TRIP12: variants seen among roughly 807,000 people sequenced by gnomAD.
TRIP12 encodes the protein E3 ubiquitin-protein ligase TRIP12.
In TRIP12, 25 loss-of-function variants were observed where a neutral mutation model predicts 244.2. That is an observed-to-expected ratio of 0.10 (90% CI 0.07 to 0.14). TRIP12 has a LOEUF of 0.14. TRIP12 is among the 10% of genes least tolerant of loss of function. The pLI is 1.00. For missense variants in TRIP12, 1,677 were observed against 2,486.4 expected, an observed-to-expected ratio of 0.67 and a Z score of 6.92; for synonymous variants, 905 against 873.1, an observed-to-expected ratio of 1.04 and a Z score of -0.64.
intron 18 of TRIP12, among the ~76,000 whole-genome samples, chr2:229,805,237 C>CAACAACAACAAT (rs1421196885): frequency 6.6e-6 from 1 of 151,992 alleles, no homozygotes; most frequent in African/African-American, 2.4e-5. Flanking sequence ...ACAACAACAA[C>CAACAACAACAAT]AACAACAACA....
intron 2 of TRIP12, among the ~76,000 whole-genome samples, chr2:229,879,255 C>A (rs921398194): frequency 2.0e-5 from 3 of 151,954 alleles, no homozygotes; most frequent in Non-Finnish European, 4.4e-5. Flanking sequence ...CTCTCAAAAA[C>A]AAAAAAATTT....
intron 1 of TRIP12, among the ~76,000 whole-genome samples, chr2:229,902,454 G>T (rs890741915): frequency 6.6e-6 from 1 of 152,024 alleles, no homozygotes; most frequent in Non-Finnish European, 1.5e-5. Flanking sequence ...CATTATTGGC[G>T]GTACCTTTAA....
rs2037100453 is a variant in TRIP12, at chr2:229,778,699, C to T, written c.5210-112G>A. 1 of 1,463,506 alleles carries T rather than the reference C, an allele frequency of 6.8e-7. No individual in the cohort carries two copies. Among genetic ancestry groups the T allele is most frequent in the Non-Finnish European group, 9.3e-7 (1 of 1,080,996 alleles). The allele number at this position is 1,463,506 out of a possible 1,614,324, so 90.7% of individuals were successfully genotyped here. ...GCATTCTCAAAATTGGAGTGCAGATCACTGAATGAAGTCCTCTAGAACTGG... is the reference window on the plus strand; with the variant it reads ...GCATTCTCAAAATTGGAGTGCAGATTACTGAATGAAGTCCTCTAGAACTGG... On this transcript the variant is annotated intron_variant, in intron 35 of 41. Transcript: ENST00000675903. The surrounding 1 kb of genome is among the most constrained non-coding windows in gnomAD (Gnocchi z 4.1).
At chr2:229,829,372 T>C in intron 7 of TRIP12, 84 bp from the exon 8 acceptor site, 2 of 1,092,902 alleles carry the variant, frequency 1.8e-6, no homozygotes, top group South Asian at 1.5e-5. Context: ...AACTGATTCA[T>C]CTCGCTTAAC....
intron 16 of TRIP12, 57 bp from the exon 17 acceptor site, chr2:229,807,921 G>A: frequency 2.0e-6 from 3 of 1,502,396 alleles, no homozygotes; most frequent in Non-Finnish European, 9.0e-7. Context: ...GTAAACGTTA[G>A]GTCTCTAAAG....
intron 34 of TRIP12, among the ~76,000 whole-genome samples, chr2:229,781,534 C>A (rs1424247977): frequency 6.6e-6 from 1 of 152,224 alleles, no homozygotes; most frequent in African/African-American, 2.4e-5. Context: ...GCAGGCCAGG[C>A]TCCACATTCC....
intron 34 of TRIP12, among the ~76,000 whole-genome samples, chr2:229,781,100 T>C (rs904136123): frequency 6.6e-6 from 1 of 152,216 alleles, no homozygotes; most frequent in Non-Finnish European, 1.5e-5. Flanking sequence ...GCACTTCCTC[T>C]GTGAGCCTCT....
intron 8 of TRIP12, among the ~76,000 whole-genome samples, chr2:229,823,551 C>T (rs2050666451): frequency 6.6e-6 from 1 of 151,980 alleles, no homozygotes; most frequent in African/African-American, 2.4e-5. Flanking sequence ...TGGCAGGCAC[C>T]TGTAGTCCCA....
At chr2:229,865,673 T>C (rs1226044576) in intron 2 of TRIP12, among the ~76,000 whole-genome samples, 1 of 152,192 alleles carries the variant, frequency 6.6e-6, no homozygotes, top group Admixed American at 6.5e-5. Flanking sequence ...TACACAATTA[T>C]AACATTATAG....
chr2:229,860,309 CA>C (rs2060257097), intron 3 of TRIP12, 96 bp downstream of exon 3: 1 of 1,433,580 alleles, frequency 7.0e-7, no homozygotes, highest in Admixed American at 2.2e-5. Context: ...AAATATGTAT[CA>C]AAACGTTTTG....
intron 1 of TRIP12, among the ~76,000 whole-genome samples, chr2:229,916,403 C>T (rs559578115): frequency 6.6e-6 from 1 of 152,224 alleles, no homozygotes; most frequent in African/African-American, 2.4e-5. Context: ...CAAGCATAAC[C>T]ATGATAGCCA....
At position 229,774,093 on chromosome 2, in the gene TRIP12, A is replaced by G. The variant is rs370481412; in HGVS notation, c.5694+4T>C. On this transcript the variant is annotated splice_donor_region_variant and intron_variant, in intron 38 of 41. Transcript: ENST00000675903. ...GCCTACCCCCCAAAGACACAGTTAC[A>G]TACTCTTAGATACTCCTCTAAATTG... 2.5e-5 allele frequency: 41 copies of G among 1,611,902 alleles called. No individual in the cohort carries two copies. Among genetic ancestry groups the G allele is most frequent in the Non-Finnish European group, 3.4e-5 (40 of 1,179,170 alleles).
intron 24 of TRIP12, 33 bp from the exon 25 acceptor site, chr2:229,796,815 A>T: frequency 6.6e-7 from 1 of 1,516,088 alleles, no homozygotes; most frequent in East Asian, 2.3e-5. Context: ...TTCTATATTG[A>T]TTTAAGCAGC....
At chr2:229,768,836 A>G (rs576407682) in intron 40 of TRIP12, 117 bp from the exon 41 acceptor site, 7 of 934,144 alleles carry the variant, frequency 7.5e-6, no homozygotes, top group Non-Finnish European at 1.1e-5. Flanking sequence ...TTACACATAC[A>G]TTTTCCATTA....
intron 1 of TRIP12, among the ~76,000 whole-genome samples, chr2:229,889,158 T>A (rs1240776312): frequency 6.6e-6 from 1 of 152,174 alleles, no homozygotes; most frequent in Non-Finnish European, 1.5e-5. Context: ...CATATCAATC[T>A]CTGAGGCATG....
intron 1 of TRIP12, among the ~76,000 whole-genome samples, chr2:229,903,810 G>A (rs548228591): frequency 1.6e-3 from 236 of 149,426 alleles, no homozygotes; most frequent in Non-Finnish European, 3.0e-3. Context: ...GAGCTCAGGA[G>A]TTCAAGACCA....
chr2:229,769,427 T>A, intron 39 of TRIP12, 102 bp from the exon 40 acceptor site: 1 of 789,794 alleles, frequency 1.3e-6, no homozygotes, highest in Non-Finnish European at 1.9e-6. Context: ...TCAGTCTCAG[T>A]ACTAAAACCT....
intron 9 of TRIP12, among the ~76,000 whole-genome samples, chr2:229,817,251 A>G (rs2048731312): frequency 6.6e-6 from 1 of 152,262 alleles, no homozygotes; most frequent in South Asian, 2.1e-4. Context: ...GATATACAAA[A>G]AAGATTTACA....
intron 4 of TRIP12, among the ~76,000 whole-genome samples, chr2:229,856,741 G>C (rs1256689688): frequency 6.6e-6 from 1 of 152,198 alleles, no homozygotes; most frequent in Admixed American, 6.5e-5. Flanking sequence ...GCTGACATAT[G>C]TAACTCCAAT....
Sources: gnomAD v4.1 joint callset for allele counts (sites outside exome capture counted in the v4.1 genomes callset) on GRCh38, gnomAD v4.1.1 for gene constraint, Gnocchi (gnomAD v3.1) non-coding constraint, MANE v1.5 for transcripts, NCBI Gene and HGNC (gene_info 2026-07-23, HGNC 2026-07-21) for gene names.